Variants in NCBP1 observed in about 807,000 individuals in gnomAD.
NCBP1 encodes nuclear cap-binding protein subunit 1.
Under a neutral mutation model 111.7 loss-of-function variants are expected in NCBP1, and 16 were observed. The observed-to-expected ratio is 0.14, with a 90% CI of 0.10 to 0.22. NCBP1 has a LOEUF of 0.22. NCBP1 is among the 10% of genes least tolerant of loss of function. NCBP1 has a pLI of 1.00. For synonymous variants in NCBP1, 304 were observed against 314.3 expected (o/e 0.97, Z 0.35); for missense variants, 607 against 957.5 (o/e 0.63, Z 4.83).
At chr9:97,669,009 A>C (rs374026409) in intron 21 of NCBP1, 35 bp downstream of exon 21, 1 of 1,552,920 alleles carries the variant, frequency 6.4e-7, no homozygotes, top group African/African-American at 1.4e-5. Flanking sequence ...CATAAAAGGA[A>C]ACAATACATT....
chr9:97,653,684 C>A, intron 10 of NCBP1, 114 bp from the exon 11 acceptor site: 4 of 675,876 alleles, frequency 5.9e-6, no homozygotes, highest in South Asian at 4.7e-5. Flanking sequence ...AAAGTAATTC[C>A]ATTTTCATAT....
chr9:97,653,119 CTTTTTT>C (rs57742118), intron 10 of NCBP1, among the ~76,000 whole-genome samples: 1 of 123,578 alleles, frequency 8.1e-6, no homozygotes, highest in Admixed American at 8.5e-5. Context: ...TAAAAGAATT[CTTTTTT>C]TTTTTTTTTT....
At chr9:97,651,189 C>A in intron 9 of NCBP1, 121 bp from the exon 10 acceptor site, 1 of 634,600 alleles carries the variant, frequency 1.6e-6, no homozygotes, top group Non-Finnish European at 2.5e-6. Context: ...TAACTGAAAT[C>A]TAGGACATTT....
intron 1 of NCBP1, among the ~76,000 whole-genome samples, chr9:97,634,355 A>T (rs1826930724): frequency 6.6e-6 from 1 of 152,242 alleles, no homozygotes; most frequent in Non-Finnish European, 1.5e-5. Flanking sequence ...CATGAGTTGC[A>T]GTCTGAACTC....
chr9:97,650,420 AAT>A, intron 8 of NCBP1, 81 bp from the exon 9 acceptor site: 1 of 1,016,928 alleles, frequency 9.8e-7, no homozygotes, highest in Non-Finnish European at 1.5e-6. Flanking sequence ...CTTGGAACAT[AAT>A]AGTCTCTCAA....
rs1827788498 is a variant in NCBP1, at chr9:97,660,089, A to AAT, written c.1478-854_1478-853dup. Among the ~76,000 whole-genome samples, 3 of 152,286 alleles carry AAT rather than the reference A, an allele frequency of 2.0e-5. No homozygotes were observed. In the South Asian group the frequency reaches 6.2e-4, roughly 32 times the overall value. ...TTGCTTCCTGGCTGTGTCTAATGTG[A>AAT]ATATCTTGGTTCCCCAGCTAGAATG... is the stretch of plus-strand genomic sequence containing the variant. On this transcript the variant is annotated intron_variant, in intron 15 of 22. Coordinates refer to ENST00000375147, the MANE Select transcript of NCBP1 (RefSeq NM_002486.5).
At chr9:97,652,013 T>G (rs1439129943) in intron 10 of NCBP1, among the ~76,000 whole-genome samples, 1 of 152,214 alleles carries the variant, frequency 6.6e-6, no homozygotes, top group Non-Finnish European at 1.5e-5. Context: ...ACTGCATTTT[T>G]TTTTTTTCCA....
In NCBP1 at chr9:97,645,729, TTAAG is replaced by T; in HGVS notation, c.611+2_611+5del. ...ATCTTTGCCAACACTGAAAGCTATC[TTAAG>T]TAAGGGCACAGCTCATAGTACTCTT... On this transcript the variant is annotated splice_donor_variant and coding_sequence_variant, in exon 6 of 23. Transcript: ENST00000375147. LOFTEE classifies it high-confidence loss of function. 6.2e-7 allele frequency: 1 copy of T among 1,613,870 alleles called. No individual in the cohort carries two copies. Among genetic ancestry groups the T allele is most frequent in the Non-Finnish European group, 8.5e-7 (1 of 1,179,896 alleles).
At chr9:97,656,137 C>G (rs1055129526) in intron 14 of NCBP1, 52 bp downstream of exon 14, 3 of 1,362,346 alleles carry the variant, frequency 2.2e-6, no homozygotes, top group Non-Finnish European at 3.1e-6. Context: ...ATTTCTTTCT[C>G]TTCTCTGCAC....
intron 7 of NCBP1, among the ~76,000 whole-genome samples, 164 bp downstream of exon 7, chr9:97,647,725 A>G (rs1481474607): frequency 6.6e-6 from 1 of 152,202 alleles, no homozygotes; most frequent in Non-Finnish European, 1.5e-5. Flanking sequence ...TCTTTAATAG[A>G]TGATAGAATG....
In NCBP1 at chr9:97,656,085, G is replaced by A; in HGVS notation, c.1373G>A (p.Arg458Lys). ...AGAGAAGTTCTAGAAAAATGTATGA[G>A]GTAAGTTTTTTGTGTTTTCTCCTTT... is the stretch of plus-strand genomic sequence containing the variant. ...FVREVLEKCM[R>K]LSYHQRILDI... is the part of the protein sequence containing the mutation. Residue 458 changes from arginine to lysine, a missense_variant and splice_region_variant, in exon 14 of 23, where the codon AGG becomes AAG. Physicochemically the swap from Arg to Lys is conservative, Grantham distance 26. Transcript: ENST00000375147. 1 of 1,612,510 alleles carries A rather than the reference G, an allele frequency of 6.2e-7. No individual in the cohort carries two copies. The highest frequency in any genetic ancestry group is 8.5e-7 in the Non-Finnish European group (1 of 1,178,686).
At chr9:97,645,775 GATATCTT>G in intron 6 of NCBP1, 43 bp downstream of exon 6, 1 of 1,599,932 alleles carries the variant, frequency 6.3e-7, no homozygotes. Flanking sequence ...TTAGGTAAAG[GATATCTT>G]ATATCAGTGA....
rs1460101598 is a variant in NCBP1, at chr9:97,673,487, C to T, written c.*2288C>T. 1.3e-5 allele frequency: 2 copies of T among 152,204 alleles called. No individual in the cohort carries two copies. Among genetic ancestry groups the T allele is most frequent in the Non-Finnish European group, 2.9e-5 (2 of 68,034 alleles). The allele number at this position is 152,204 out of a possible 1,614,324, so 9.4% of individuals were successfully genotyped here. A position where few individuals can be genotyped will look rare whatever the true frequency, so the allele number is the denominator to read the frequency against. Reference sequence around the variant, plus strand: ...ATTTCTTTTCTCTTGGTCCTCTCTTCATGTATAATGGTTGCTTTTAACAGC... The same window carrying T: ...ATTTCTTTTCTCTTGGTCCTCTCTTTATGTATAATGGTTGCTTTTAACAGC... On this transcript the variant is annotated 3_prime_UTR_variant, in exon 23 of 23. Transcript: ENST00000375147.
At chr9:97,664,534 C>A in intron 19 of NCBP1, 91 bp downstream of exon 19, 3 of 839,074 alleles carry the variant, frequency 3.6e-6, no homozygotes, top group East Asian at 2.6e-5. Flanking sequence ...TGGTCCAAAC[C>A]AGGTTGATAT....
At chr9:97,638,962 A>T (rs1286984956) in intron 1 of NCBP1, among the ~76,000 whole-genome samples, 1 of 152,072 alleles carries the variant, frequency 6.6e-6, no homozygotes, top group Non-Finnish European at 1.5e-5. Flanking sequence ...GCTTTTTTTC[A>T]ATAAGTGAAT....
chr9:97,641,223 T>C (rs1250180350), intron 2 of NCBP1, among the ~76,000 whole-genome samples: 3 of 152,114 alleles, frequency 2.0e-5, no homozygotes. Context: ...ATGGAGCCCA[T>C]GGTGTCCTCC....
chr9:97,646,839 C>CAA (rs1199961668), intron 6 of NCBP1, among the ~76,000 whole-genome samples: 465 of 53,040 alleles, frequency 8.8e-3, no homozygotes, highest in Non-Finnish European at 0.015. Context: ...GACTCCGTCT[C>CAA]AAAAAAAAAA....
intron 19 of NCBP1, among the ~76,000 whole-genome samples, chr9:97,666,362 A>G (rs1828002093): frequency 6.6e-6 from 1 of 152,244 alleles, no homozygotes; most frequent in South Asian, 2.1e-4. Context: ...AGCATGGGAA[A>G]TAAGTCTCAG....
At chr9:97,667,056 G>T (rs970132486) in intron 20 of NCBP1, among the ~76,000 whole-genome samples, 179 bp downstream of exon 20, 6 of 152,186 alleles carry the variant, frequency 3.9e-5, no homozygotes, top group African/African-American at 1.4e-4. Flanking sequence ...AGCAGGTAGT[G>T]TGTTGTGTGC....
Sources: gnomAD v4.1 joint callset for allele counts (sites outside exome capture counted in the v4.1 genomes callset) on GRCh38, gnomAD v4.1.1 for gene constraint, MANE v1.5 for transcripts, NCBI Gene and HGNC (gene_info 2026-07-23, HGNC 2026-07-21) for gene names.